The following MARK1 variants were observed in gnomAD, a reference collection of about 807,000 sequenced individuals.
The protein encoded by MARK1 is microtubule affinity regulating kinase 1, also known as serine/threonine-protein kinase MARK1.
A neutral mutation model predicts 96.3 loss-of-function variants in MARK1; 40 were observed. That is an observed-to-expected ratio of 0.42 (90% CI 0.32 to 0.54). MARK1 has a LOEUF of 0.54. MARK1 is among the 20% of genes least tolerant of loss of function. The pLI is 0.16. For synonymous variants in MARK1, 317 were observed against 341.2 expected (o/e 0.93, Z 0.78); for missense variants, 719 against 984.6 (o/e 0.73, Z 3.61).
At position 220,662,217 on chromosome 1, in the gene MARK1, A is replaced by T. The variant is rs778970944; in HGVS notation, c.*51A>T. ...GAAGATACATACATATATGAGGTAC[A>T]GTTTTTGAATGTACTGGTAATGCCT... On this transcript the variant is annotated 3_prime_UTR_variant, in exon 18 of 18. Transcript: ENST00000366917. The T allele has an allele frequency of 3.6e-6, 5 of 1,403,980 alleles. 1 individual carries two copies. The African/African-American group carries it at 7.1e-5, about 20-fold the overall frequency. The allele number at this position is 1,403,980 out of a possible 1,614,324, so 87.0% of individuals were successfully genotyped here. A position where few individuals can be genotyped will look rare whatever the true frequency, so the allele number is the denominator to read the frequency against.
At chr1:220,626,235 C>A in intron 9 of MARK1, 6 of 531,686 alleles carry the variant, frequency 1.1e-5, no homozygotes, top group Middle Eastern at 3.5e-4. Flanking sequence ...TAACCTATCA[C>A]CAGAGGGTGC....
In MARK1 at chr1:220,546,058, A is replaced by AT. The variant is rs527619359; in HGVS notation, c.51+17188dup. On this transcript the variant is annotated intron_variant, in intron 1 of 17. Coordinates refer to ENST00000366917, the MANE Select transcript of MARK1 (RefSeq NM_018650.5). The stretch of plus-strand genomic sequence containing the variant: ...TTGATGTCTGAGTCCTTGGCCTGTC[A>AT]TTTGCAAGAACCACCTTACCCTTGA... Among the ~76,000 whole-genome samples the AT allele has an allele frequency of 1.5e-3, 231 of 152,138 alleles. 2 individuals are homozygous for AT. The highest frequency in any genetic ancestry group is 4.0e-4 in the Non-Finnish European group (27 of 68,008).
chr1:220,552,068 T>G (rs1661900376), intron 1 of MARK1, among the ~76,000 whole-genome samples: 1 of 152,222 alleles, frequency 6.6e-6, no homozygotes, highest in Non-Finnish European at 1.5e-5. Context: ...ACAGACATTA[T>G]GTAATAGCAA....
At chr1:220,578,262 T>C (rs541811524) in intron 1 of MARK1, among the ~76,000 whole-genome samples, 1 of 152,364 alleles carries the variant, frequency 6.6e-6, no homozygotes, top group South Asian at 2.1e-4. Context: ...AGAAATTTTA[T>C]GTATGTCAAA....
intron 17 of MARK1, among the ~76,000 whole-genome samples, chr1:220,660,998 T>G (rs1669447410): frequency 6.6e-6 from 1 of 151,608 alleles, no homozygotes; most frequent in Admixed American, 6.6e-5. Flanking sequence ...AGGATAGGAG[T>G]TAGGGTACAA....
chr1:220,647,754 G>A (rs1210670879), intron 13 of MARK1, among the ~76,000 whole-genome samples: 1 of 152,182 alleles, frequency 6.6e-6, no homozygotes, highest in Non-Finnish European at 1.5e-5. Flanking sequence ...GAACATGGAT[G>A]AAGCCAGAAG....
At chr1:220,640,294 A>T (rs1208667420) in intron 13 of MARK1, among the ~76,000 whole-genome samples, 2 of 152,388 alleles carry the variant, frequency 1.3e-5, no homozygotes, top group Non-Finnish European at 2.9e-5. Flanking sequence ...TAGTACATTT[A>T]ACGTTTATAA....
chr1:220,588,332 T>G (rs1322096995), intron 3 of MARK1, among the ~76,000 whole-genome samples: 5 of 152,202 alleles, frequency 3.3e-5, no homozygotes, highest in African/African-American at 1.2e-4. Flanking sequence ...TATAATCTTC[T>G]TATAAGAATC....
intron 3 of MARK1, among the ~76,000 whole-genome samples, chr1:220,592,249 T>A (rs1477307308): frequency 6.8e-6 from 1 of 147,354 alleles, no homozygotes; most frequent in African/African-American, 2.5e-5. Context: ...TATATTATAT[T>A]ATATTATATT....
At chr1:220,620,210 TGGGG>T (rs932116479) in intron 9 of MARK1, among the ~76,000 whole-genome samples, 4 of 152,160 alleles carry the variant, frequency 2.6e-5, no homozygotes, top group African/African-American at 7.2e-5. Context: ...TCCCTCCTTA[TGGGG>T]TTAAAAAAAA....
chr1:220,657,752 CT>C, intron 16 of MARK1, 37 bp from the exon 17 acceptor site: 1 of 1,475,324 alleles, frequency 6.8e-7, no homozygotes, highest in Non-Finnish European at 9.0e-7. Flanking sequence ...ATATTTTTTA[CT>C]TTTATCATTA....
chr1:220,636,041 T>C lies in MARK1; in HGVS notation c.1470+15T>C, dbSNP rs372735956. 3.5e-5 allele frequency: 54 copies of C among 1,539,820 alleles called. No homozygotes were observed. The highest frequency in any genetic ancestry group is 4.6e-5 in the Non-Finnish European group (52 of 1,137,864). On this transcript the variant is annotated intron_variant, in intron 13 of 17. Coordinates refer to ENST00000366917, the MANE Select transcript of MARK1 (RefSeq NM_018650.5). ...CTATTCCAAGTGTGAGTAAATACTCTGGTATATTGCAATTTATTGTAATAA... is the reference window on the plus strand; with the variant it reads ...CTATTCCAAGTGTGAGTAAATACTCCGGTATATTGCAATTTATTGTAATAA...
chr1:220,661,550 A>T (rs1425930117), intron 17 of MARK1, among the ~76,000 whole-genome samples: 1 of 152,214 alleles, frequency 6.6e-6, no homozygotes, highest in African/African-American at 2.4e-5. Flanking sequence ...TCAGTTGCAG[A>T]CTTGTTTCCC....
chr1:220,560,220 C>T (rs1054271086), intron 1 of MARK1, among the ~76,000 whole-genome samples: 1 of 152,146 alleles, frequency 6.6e-6, no homozygotes, highest in Non-Finnish European at 1.5e-5. Context: ...TCCCACAACA[C>T]ATAAGAGTTA....
chr1:220,529,901 G>A (rs960096860), intron 1 of MARK1, among the ~76,000 whole-genome samples: 6 of 152,144 alleles, frequency 3.9e-5, no homozygotes, highest in Admixed American at 3.3e-4. Flanking sequence ...ACCTAGAGGG[G>A]TACTAAGTTT....
Position 220,615,965 on chromosome 1 carries a change from T to C in MARK1, c.522T>C (p.His174=). ...TTGTATCTGCTGTACAGTATTGTCA[T>C]CAAAAGTACATTGTTCACCGTGATC... ...RQIVSAVQYC[H]QKYIVHRDLK... is the part of the protein sequence containing the mutation. Residue 174 remains histidine (H), a synonymous_variant, in exon 7 of 18, where the codon CAT becomes CAC. Coordinates refer to ENST00000366917, the MANE Select transcript of MARK1 (RefSeq NM_018650.5). The C allele has an allele frequency of 6.4e-7, 1 of 1,563,924 alleles. No individual in the cohort carries two copies. The highest frequency in any genetic ancestry group is 1.2e-5 in the South Asian group (1 of 85,610).
chr1:220,600,101 TAAA>T (rs1665641082), intron 5 of MARK1, among the ~76,000 whole-genome samples: 1 of 152,178 alleles, frequency 6.6e-6, no homozygotes, highest in African/African-American at 2.4e-5. Flanking sequence ...TTTGAAACGT[TAAA>T]TTTGTATTTT....
chr1:220,528,662 T>C lies in MARK1; in HGVS notation c.-161T>C, dbSNP rs1051088764. ...TCCTCTTCCTCCGCGTCCTCTTCCC[T>C]CTTTCCCCCGCCGGGGCCGCTTGTT... On this transcript the variant is annotated 5_prime_UTR_variant, in exon 1 of 18. Coordinates refer to ENST00000366917, the MANE Select transcript of MARK1 (RefSeq NM_018650.5). 1.4e-5 allele frequency: 8 copies of C among 558,650 alleles called. No individual in the cohort carries two copies. The highest frequency in any genetic ancestry group is 2.4e-5 in the Non-Finnish European group (8 of 327,794). 34.6% of individuals were successfully genotyped at this position (558,650 alleles called of 1,614,324 possible). A position where few individuals can be genotyped will look rare whatever the true frequency, so the allele number is the denominator to read the frequency against.
intron 6 of MARK1, among the ~76,000 whole-genome samples, chr1:220,611,224 C>T (rs1415503216): frequency 6.6e-6 from 1 of 152,198 alleles, no homozygotes; most frequent in East Asian, 1.9e-4. Context: ...CTGCGGTGGG[C>T]TCCACCCAGT....
Sources: gnomAD v4.1 joint callset for allele counts (sites outside exome capture counted in the v4.1 genomes callset) on GRCh38, gnomAD v4.1.1 for gene constraint, MANE v1.5 for transcripts, NCBI Gene and HGNC (gene_info 2026-07-23, HGNC 2026-07-21) for gene names.